The following NDFIP2 variants were observed in gnomAD, a reference collection of about 807,000 sequenced individuals.
The protein encoded by NDFIP2 is NEDD4 family-interacting protein 2.
Under a neutral mutation model 36.0 loss-of-function variants are expected in NDFIP2, and 19 were observed. The ratio of observed to expected loss-of-function variants is 0.53; its 90% CI spans 0.37 to 0.77. NDFIP2 has a LOEUF of 0.77. NDFIP2 is among the 30% of genes least tolerant of loss of function. The probability of loss-of-function intolerance (pLI) is 0.00; values close to 1 mark genes in which losing one functional copy is unlikely to be tolerated. For missense variants in NDFIP2, 446 were observed against 435.8 expected, an observed-to-expected ratio of 1.02 and a Z score of -0.21; for synonymous variants, 181 against 167.7, an observed-to-expected ratio of 1.08 and a Z score of -0.61.
chr13:79,550,088 G>C (rs1171292025), intron 6 of NDFIP2, among the ~76,000 whole-genome samples: 1 of 151,710 alleles, frequency 6.6e-6, no homozygotes, highest in South Asian at 2.1e-4. Context: ...ACATACAGTA[G>C]ATATCTTCTG....
chr13:79,482,509 G>C (rs1279511054), intron 1 of NDFIP2, among the ~76,000 whole-genome samples: 2 of 152,138 alleles, frequency 1.3e-5, no homozygotes, highest in Non-Finnish European at 2.9e-5. Context: ...CCCATTTACT[G>C]AGGGAGAGGA....
At chr13:79,526,309 A>G (rs1035909332) in intron 2 of NDFIP2, among the ~76,000 whole-genome samples, 1 of 152,196 alleles carries the variant, frequency 6.6e-6, no homozygotes, top group Admixed American at 6.5e-5. Flanking sequence ...TAAAGAGGAT[A>G]TATCAAATAG....
At chr13:79,516,677 C>G (rs1365890964) in intron 1 of NDFIP2, among the ~76,000 whole-genome samples, 1 of 151,966 alleles carries the variant, frequency 6.6e-6, no homozygotes, top group Non-Finnish European at 1.5e-5. Flanking sequence ...TTAAAAATTA[C>G]AGTTCTCTTC....
rs148701367 is a variant in NDFIP2 at position 79,549,038 on chromosome 13, A to G, written c.907+644A>G. Among the ~76,000 whole-genome samples, 46 of 152,126 alleles carry G rather than the reference A, an allele frequency of 3.0e-4. 1 individual carries two copies. The East Asian group carries it at 8.9e-3, about 29-fold the overall frequency. ...ACATTTCAGATGTATTTGCTGACAT[A>G]AGGAATACCTTTTGTTTCTAGTTAA... On this transcript the variant is annotated intron_variant, in intron 6 of 7. Transcript: ENST00000218652.
intron 2 of NDFIP2, among the ~76,000 whole-genome samples, chr13:79,532,729 C>G (rs1017670068): frequency 3.9e-5 from 6 of 152,110 alleles, no homozygotes; most frequent in African/African-American, 1.2e-4. Context: ...AGAGCCGTTG[C>G]TGAAATCAAG....
chr13:79,539,639 G>A (rs1332961173), intron 3 of NDFIP2, 43 bp from the exon 4 acceptor site: 1 of 1,487,668 alleles, frequency 6.7e-7, no homozygotes, highest in Admixed American at 1.7e-5. Context: ...AGATGATAAA[G>A]TTGTAATTTT....
intron 2 of NDFIP2, among the ~76,000 whole-genome samples, chr13:79,526,380 T>A (rs567220939): frequency 6.6e-6 from 1 of 152,278 alleles, no homozygotes; most frequent in African/African-American, 2.4e-5. Flanking sequence ...AGGAGAGGTT[T>A]GGGCTAGAAA....
chr13:79,481,200 G>A lies in NDFIP2; in HGVS notation c.-4G>A. The A allele has an allele frequency of 6.7e-7, 1 of 1,502,224 alleles. No homozygotes were observed. Among genetic ancestry groups the A allele is most frequent in the Non-Finnish European group, 8.8e-7 (1 of 1,133,390 alleles). The allele number at this position is 1,502,224 out of a possible 1,614,324, so 93.1% of individuals were successfully genotyped here. On this transcript the variant is annotated 5_prime_UTR_variant, in exon 1 of 8. Transcript: ENST00000218652. Reference sequence around the variant, plus strand: ...CCAGCTATACCCTCCCACTGGCGGCGCGGATGGCACGCCGGCGGAGCCAGC... The same window carrying A: ...CCAGCTATACCCTCCCACTGGCGGCACGGATGGCACGCCGGCGGAGCCAGC...
intron 1 of NDFIP2, among the ~76,000 whole-genome samples, chr13:79,492,823 A>G (rs1347277912): frequency 6.6e-6 from 1 of 152,116 alleles, no homozygotes; most frequent in Non-Finnish European, 1.5e-5. Context: ...TTGTTTCTCT[A>G]TCACCACCCC....
At chr13:79,534,681 G>A (rs1875162525) in intron 3 of NDFIP2, among the ~76,000 whole-genome samples, 1 of 151,786 alleles carries the variant, frequency 6.6e-6, no homozygotes, top group Non-Finnish European at 1.5e-5. Context: ...CATTTTGTTC[G>A]GGAAAAAGAC....
intron 1 of NDFIP2, among the ~76,000 whole-genome samples, chr13:79,482,123 G>A (rs541746272): frequency 5.6e-4 from 80 of 144,032 alleles, no homozygotes; most frequent in Admixed American, 3.4e-4. Flanking sequence ...TATTAAAAAT[G>A]ACTGTATTTT....
At chr13:79,501,493 G>C (rs1404242764) in intron 1 of NDFIP2, among the ~76,000 whole-genome samples, 1 of 152,048 alleles carries the variant, frequency 6.6e-6, no homozygotes, top group African/African-American at 2.4e-5. Context: ...TTAAAAACGT[G>C]ATTTGGTGAA....
intron 2 of NDFIP2, among the ~76,000 whole-genome samples, chr13:79,530,966 A>G (rs1229001002): frequency 6.6e-6 from 1 of 152,174 alleles, no homozygotes; most frequent in African/African-American, 2.4e-5. Flanking sequence ...GAAGCTTTTC[A>G]GTTTACTTTG....
intron 1 of NDFIP2, among the ~76,000 whole-genome samples, chr13:79,487,661 A>G (rs535442406): frequency 1.3e-5 from 2 of 152,292 alleles, no homozygotes; most frequent in East Asian, 3.9e-4. Context: ...TTCCACCATC[A>G]ATGTATGAAG....
intron 1 of NDFIP2, among the ~76,000 whole-genome samples, chr13:79,483,410 G>A (rs1461655469): frequency 6.6e-6 from 1 of 152,048 alleles, no homozygotes; most frequent in African/African-American, 2.4e-5. Flanking sequence ...AAGCTGAATT[G>A]ACATTTTCAA....
At chr13:79,510,987 A>G (rs1204307512) in intron 1 of NDFIP2, among the ~76,000 whole-genome samples, 1 of 138,744 alleles carries the variant, frequency 7.2e-6, no homozygotes, top group Non-Finnish European at 1.6e-5. Flanking sequence ...TGACAGAGCG[A>G]GACTCTGTCT....
intron 1 of NDFIP2, among the ~76,000 whole-genome samples, chr13:79,504,633 ATT>A (rs11350629): frequency 3.2e-4 from 47 of 148,366 alleles, no homozygotes; most frequent in African/African-American, 3.0e-4. Flanking sequence ...AGTTCTCTAA[ATT>A]TTTTTTTTTT....
At chr13:79,481,731 GC>G (rs1413999233) in intron 1 of NDFIP2, among the ~76,000 whole-genome samples, 3 of 151,842 alleles carry the variant, frequency 2.0e-5, no homozygotes, top group African/African-American at 4.8e-5. Context: ...CTTCTCTCTC[GC>G]CCCAAGTCTG....
In NDFIP2 at chr13:79,512,065, A is replaced by G. The variant is rs907485874; in HGVS notation, c.322-8745A>G. ...GAATTATGCATATATTCTTTGCACA[A>G]TTTTACTTTTAAAACTTTACCAGCC... is the stretch of plus-strand genomic sequence containing the variant. On this transcript the variant is annotated intron_variant, in intron 1 of 7. Coordinates refer to ENST00000218652, the MANE Select transcript of NDFIP2 (RefSeq NM_019080.3). 1.2e-4 allele frequency among the ~76,000 whole-genome samples: 18 copies of G among 152,160 alleles called. 1 individual carries two copies. Among genetic ancestry groups the G allele is most frequent in the Admixed American group, 8.5e-4 (13 of 15,278 alleles).
Sources: allele counts gnomAD v4.1 joint callset (sites outside exome capture counted in the v4.1 genomes callset), GRCh38; gene constraint gnomAD v4.1.1; transcripts MANE v1.5; gene names NCBI Gene and HGNC (gene_info 2026-07-23, HGNC 2026-07-21).